The following MTHFD1L variants were observed in gnomAD, a reference collection of about 807,000 sequenced individuals.
MTHFD1L encodes the protein monofunctional C1-tetrahydrofolate synthase, mitochondrial.
MTHFD1L carries 81 observed loss-of-function variants against 119.5 expected under a neutral mutation model. The ratio of observed to expected loss-of-function variants is 0.68; its 90% CI spans 0.57 to 0.82. MTHFD1L has a LOEUF of 0.82. Among genes scored for constraint, MTHFD1L ranks in the 40% least tolerant of loss-of-function variants. The pLI, the probability that MTHFD1L is intolerant of heterozygous loss-of-function variation, is 0.00. For synonymous variants in MTHFD1L, 430 were observed against 475.2 expected, an observed-to-expected ratio of 0.90 and a Z score of 1.24; for missense variants, 1,125 against 1,253.4, an observed-to-expected ratio of 0.90 and a Z score of 1.55.
chr6:150,963,384 C>T (rs1796737481), intron 18 of MTHFD1L, among the ~76,000 whole-genome samples: 1 of 152,138 alleles, frequency 6.6e-6, no homozygotes, highest in Non-Finnish European at 1.5e-5. Context: ...ATTCTCACCA[C>T]CAAAATGATA....
At chr6:150,876,258 T>G in intron 2 of MTHFD1L, 84 bp downstream of exon 2, 1 of 1,125,564 alleles carries the variant, frequency 8.9e-7, no homozygotes, top group Non-Finnish European at 1.2e-6. Context: ...AGCAGCTGCA[T>G]TTCTTGCCAA....
chr6:150,935,991 T>A (rs1791990786), intron 11 of MTHFD1L, among the ~76,000 whole-genome samples: 1 of 152,240 alleles, frequency 6.6e-6, no homozygotes, highest in South Asian at 2.1e-4. Flanking sequence ...ACTGTGATGT[T>A]ATGAACATGG....
chr6:150,914,914 CTCTT>C (rs1325541065), intron 8 of MTHFD1L, among the ~76,000 whole-genome samples: 2 of 152,182 alleles, frequency 1.3e-5, no homozygotes, highest in Non-Finnish European at 2.9e-5. Context: ...ACTTGCCTCT[CTCTT>C]CCACAAATTT....
intron 26 of MTHFD1L, among the ~76,000 whole-genome samples, chr6:151,079,153 A>T (rs753535203): frequency 2.8e-4 from 43 of 152,080 alleles, no homozygotes; most frequent in Non-Finnish European, 4.4e-4. Flanking sequence ...AATAAATCAG[A>T]TGGCCTTGCT....
intron 25 of MTHFD1L, among the ~76,000 whole-genome samples, chr6:151,035,249 AG>A (rs1199301530): frequency 2.0e-5 from 3 of 152,156 alleles, no homozygotes; most frequent in African/African-American, 4.8e-5. Context: ...ACTCCACTAC[AG>A]GAGGCTCAGC....
chr6:150,876,335 A>G (rs1234365630), intron 2 of MTHFD1L, among the ~76,000 whole-genome samples, 161 bp downstream of exon 2: 1 of 152,154 alleles, frequency 6.6e-6, no homozygotes, highest in Non-Finnish European at 1.5e-5. Context: ...TCACGGGTGA[A>G]GTACTGCCCT....
rs532745765 is a variant in MTHFD1L at position 150,962,229 on chromosome 6, C to T, written c.1944+1814C>T. Among the ~76,000 whole-genome samples the T allele has an allele frequency of 1.1e-4, 16 of 152,190 alleles. 1 individual carries two copies. In the South Asian group the frequency reaches 3.1e-3, roughly 30 times the overall value. Reference sequence around the variant, plus strand: ...GGTCTCGAACTCCTCAGGTGATCTGCCCACCTCGACCTCCCAAAGTGCTGG... The same window carrying T: ...GGTCTCGAACTCCTCAGGTGATCTGTCCACCTCGACCTCCCAAAGTGCTGG... On this transcript the variant is annotated intron_variant, in intron 18 of 27. Transcript: ENST00000367321.
chr6:150,980,223 A>G (rs536100), intron 20 of MTHFD1L, among the ~76,000 whole-genome samples: 81,914 of 152,070 alleles, frequency 0.54, 23,560 homozygotes, highest in African/African-American at 0.73. Context: ...TGCTAATCAC[A>G]GGTCGTGTTT....
intron 26 of MTHFD1L, among the ~76,000 whole-genome samples, chr6:151,076,194 T>C (rs1459869532): frequency 6.7e-6 from 1 of 150,120 alleles, no homozygotes; most frequent in Non-Finnish European, 1.5e-5. Flanking sequence ...ACTCTGTGTC[T>C]ACAATAAAAG....
At chr6:151,055,463 A>C (rs1789745546) in intron 26 of MTHFD1L, among the ~76,000 whole-genome samples, 1 of 152,138 alleles carries the variant, frequency 6.6e-6, no homozygotes, top group Non-Finnish European at 1.5e-5. Flanking sequence ...GTAAAGATAG[A>C]AAGTAGCAAA....
chr6:150,922,274 A>T lies in MTHFD1L; in HGVS notation c.1054A>T (p.Lys352Ter). ...CAGGCGGTGGAGACTTCACTGCTTG[A>T]AACTTCAGCCTCTCTCCCCTGTGCC... ...QHRRWRLHCLKLQPLSPVPSD... is the reference protein window; with the variant it reads ...QHRRWRLHCL Residue 352 changes from lysine (K) to a stop codon, truncating the protein, a stop_gained, in exon 10 of 28, where the codon AAA becomes TAA. Transcript: ENST00000367321. LOFTEE classifies it high-confidence loss of function. 6.2e-7 allele frequency: 1 copy of T among 1,614,002 alleles called. No individual in the cohort carries two copies. Among genetic ancestry groups the T allele is most frequent in the Non-Finnish European group, 8.5e-7 (1 of 1,179,902 alleles).
chr6:151,054,340 G>A (rs926313829), intron 26 of MTHFD1L, among the ~76,000 whole-genome samples: 1 of 152,162 alleles, frequency 6.6e-6, no homozygotes, highest in Non-Finnish European at 1.5e-5. Context: ...GACAGTAAAT[G>A]GTTAATGGTA....
At chr6:151,096,473 C>T (rs957002889) in intron 27 of MTHFD1L, among the ~76,000 whole-genome samples, 4 of 152,156 alleles carry the variant, frequency 2.6e-5, no homozygotes, top group Non-Finnish European at 5.9e-5. Flanking sequence ...AGTGGCTCCT[C>T]GGTAATGACC....
chr6:150,875,490 G>T (rs1780288250), intron 1 of MTHFD1L, among the ~76,000 whole-genome samples: 1 of 151,938 alleles, frequency 6.6e-6, no homozygotes, highest in Non-Finnish European at 1.5e-5. Context: ...GAAGCTCTCT[G>T]TCTCTCTCTC....
intron 20 of MTHFD1L, among the ~76,000 whole-genome samples, chr6:150,994,077 A>AAAGAAAG (rs1562508689): frequency 7.6e-5 from 8 of 105,294 alleles, no homozygotes; most frequent in Admixed American, 2.6e-4. Flanking sequence ...AAAAAAAAAA[A>AAAGAAAG]AAAGAAAGAA....
Position 150,877,270 on chromosome 6 carries a change from C to T in MTHFD1L, c.313-364C>T, listed in dbSNP as rs143133327. The stretch of plus-strand genomic sequence containing the variant: ...GTTTCACCATGTTGCCCAGGCTGGT[C>T]TCGAACTCCTGGGCTCAAGCAATCC... On this transcript the variant is annotated intron_variant, in intron 2 of 27. Coordinates refer to ENST00000367321, the MANE Select transcript of MTHFD1L (RefSeq NM_015440.5). Among the ~76,000 whole-genome samples, 948 of 152,236 alleles carry T rather than the reference C, an allele frequency of 6.2e-3. 9 individuals carry two copies. Among genetic ancestry groups the T allele is most frequent in the African/African-American group, 0.022 (909 of 41,532 alleles).
intron 13 of MTHFD1L, among the ~76,000 whole-genome samples, chr6:150,941,395 A>G (rs972130547): frequency 6.6e-6 from 1 of 152,216 alleles, no homozygotes; most frequent in Non-Finnish European, 1.5e-5. Context: ...AAGGTCAGCC[A>G]TTGAAGGGAT....
At chr6:151,100,934 G>T (rs897741294) in intron 27 of MTHFD1L, among the ~76,000 whole-genome samples, 1 of 152,048 alleles carries the variant, frequency 6.6e-6, no homozygotes, top group South Asian at 2.1e-4. Context: ...CAAGGCAGGC[G>T]GATCACTTGA....
chr6:150,994,161 C>G (rs1318199871), intron 20 of MTHFD1L, among the ~76,000 whole-genome samples: 3 of 151,720 alleles, frequency 2.0e-5, no homozygotes, highest in Non-Finnish European at 4.4e-5. Flanking sequence ...GGTAGCCAGT[C>G]TGGGCTGGTT....
Sources: allele counts gnomAD v4.1 joint callset (sites outside exome capture counted in the v4.1 genomes callset), GRCh38; gene constraint gnomAD v4.1.1; transcripts MANE v1.5; gene names NCBI Gene and HGNC (gene_info 2026-07-23, HGNC 2026-07-21).